ADGRB2: variants seen among roughly 807,000 people sequenced by gnomAD.
ADGRB2 encodes adhesion G protein-coupled receptor B2, also known as brain-specific angiogenesis inhibitor 2.
Under a neutral mutation model 178.7 loss-of-function variants are expected in ADGRB2, and 47 were observed. The observed-to-expected ratio is 0.26, with a 90% CI of 0.21 to 0.34. The LOEUF (loss-of-function observed/expected upper bound fraction) is 0.34, where lower values mean the gene tolerates loss of function less well. Among genes scored for constraint, ADGRB2 ranks in the 10% least tolerant of loss-of-function variants. ADGRB2 has a pLI of 1.00. For missense variants in ADGRB2, 1,584 were observed against 2,180.8 expected, an observed-to-expected ratio of 0.73 and a Z score of 5.45; for synonymous variants, 870 against 912.4, an observed-to-expected ratio of 0.95 and a Z score of 0.84.
rs1645776352 is a variant in ADGRB2, at chr1:31,738,838, G to A, written c.2595C>T (p.Ile865=). Residue 865 remains isoleucine, a synonymous_variant, in exon 16 of 33, where the codon ATC becomes ATT. Transcript: ENST00000373658. Reference sequence around the variant, plus strand: ...TGCATGGATCTCCACTCACATTGATGATGTAGGAGAGCTCCACAGTGATGA... The same window carrying A: ...TGCATGGATCTCCACTCACATTGATAATGTAGGAGAGCTCCACAGTGATGA... ...EPLITVELSY[I]INGTTDPHCA... 2 of 1,613,914 alleles carry A rather than the reference G, an allele frequency of 1.2e-6. No homozygotes were observed. Among genetic ancestry groups the A allele is most frequent in the Non-Finnish European group, 1.7e-6 (2 of 1,179,970 alleles).
In ADGRB2 at chr1:31,755,314, G is replaced by T. The variant is rs4949222; in HGVS notation, c.838+685C>A. Among the ~76,000 whole-genome samples, 18,057 of 152,166 alleles carry T rather than the reference G, an allele frequency of 0.12. 1,402 individuals carry two copies. Among genetic ancestry groups the T allele is most frequent in the South Asian group, 0.33 (1,590 of 4,820 alleles). On this transcript the variant is annotated intron_variant, in intron 4 of 32. Transcript: ENST00000373658. The surrounding 1 kb of genome is among the most constrained non-coding windows in gnomAD (Gnocchi z 5.1). ...GGGAGCAGGCAGGACTCAAGGGCTC[G>T]CAGAGCTTTTGCCCAGTCAGCAGGA... is the stretch of plus-strand genomic sequence containing the variant.
In ADGRB2 at chr1:31,735,569, C is replaced by G. The variant is rs186740027; in HGVS notation, c.3353+11G>C. 3.0e-4 allele frequency: 479 copies of G among 1,613,502 alleles called. 3 individuals are homozygous for G. In the East Asian group the frequency reaches 9.0e-3, roughly 30 times the overall value. On this transcript the variant is annotated intron_variant, in intron 24 of 32. Transcript: ENST00000373658. This position sits in a 1 kb window ranked among gnomAD's most constrained non-coding sequence, Gnocchi z 6.0. ...TCCAGAAAGGCCAAGTCTCAGAGGC[C>G]CCCCCCTTACCCGGCCCTCTGCTTC...
intron 29 of ADGRB2, among the ~76,000 whole-genome samples, chr1:31,729,784 T>C (rs1569719403): frequency 6.6e-6 from 1 of 152,308 alleles, no homozygotes; most frequent in South Asian, 2.1e-4. Flanking sequence ...GGCAGGCAGG[T>C]GTCCACAGAA....
At chr1:31,739,079 T>A (rs1475861863) in intron 15 of ADGRB2, 142 bp from the exon 16 acceptor site, 2 of 862,040 alleles carry the variant, frequency 2.3e-6, no homozygotes, top group Non-Finnish European at 3.5e-6. Flanking sequence ...GGTCCAGGAC[T>A]TCAGGTGAGG....
Position 31,755,940 on chromosome 1 carries a change from A to G in ADGRB2, c.838+59T>C. 1 of 1,545,936 alleles carries G rather than the reference A, an allele frequency of 6.5e-7. No homozygotes were observed. The highest frequency in any genetic ancestry group is 8.8e-7 in the Non-Finnish European group (1 of 1,141,892). The stretch of plus-strand genomic sequence containing the variant: ...TGGCCGAGGATCTGCCAGGATGGAC[A>G]CCAGGGACACTGTCAGCCCCTGCAG... On this transcript the variant is annotated intron_variant, in intron 4 of 32. Transcript: ENST00000373658. The surrounding 1 kb of genome is among the most constrained non-coding windows in gnomAD (Gnocchi z 5.1).
Position 31,728,132 on chromosome 1 carries a change from G to A in ADGRB2, c.4515+50C>T. On this transcript the variant is annotated intron_variant, in intron 31 of 32. Coordinates refer to ENST00000373658, the MANE Select transcript of ADGRB2 (RefSeq NM_001364857.2). The surrounding 1 kb of genome is among the most constrained non-coding windows in gnomAD (Gnocchi z 6.7). ...TCCAACCCCAGGGGCCACTGCACCAGGTCAGGCCCTGAGCTTCAGGGCAGG... is the reference window on the plus strand; with the variant it reads ...TCCAACCCCAGGGGCCACTGCACCAAGTCAGGCCCTGAGCTTCAGGGCAGG... 6.2e-7 allele frequency: 1 copy of A among 1,613,634 alleles called. No homozygotes were observed. Among genetic ancestry groups the A allele is most frequent in the African/African-American group, 1.3e-5 (1 of 75,070 alleles).
chr1:31,744,391 C>T lies in ADGRB2; in HGVS notation c.923-34G>A. 6.5e-7 allele frequency: 1 copy of T among 1,545,656 alleles called. No individual in the cohort carries two copies. ...GAGGGACAGCGTCGGCGGCAGGGGG[C>T]ACCTCCCAAGCACTCAGTCTCATAG... is the stretch of plus-strand genomic sequence containing the variant. On this transcript the variant is annotated intron_variant, in intron 5 of 32. Coordinates refer to ENST00000373658, the MANE Select transcript of ADGRB2 (RefSeq NM_001364857.2). This position sits in a 1 kb window ranked among gnomAD's most constrained non-coding sequence, Gnocchi z 6.7.
In ADGRB2 at chr1:31,738,316, A is replaced by G; in HGVS notation, c.2656T>C (p.Ser886Pro). 2 of 1,614,068 alleles carry G rather than the reference A, an allele frequency of 1.2e-6. No individual in the cohort carries two copies. Among genetic ancestry groups the G allele is most frequent in the African/African-American group, 2.7e-5 (2 of 75,022 alleles). ...SWDYSRADAS[S>P]GDWDTENCQT... Reference sequence around the variant, plus strand: ...CAATTTTCAGTGTCCCAGTCTCCTGAGCTGGCATCTCTTGGGTAGGGGAGA... The same window carrying G: ...CAATTTTCAGTGTCCCAGTCTCCTGGGCTGGCATCTCTTGGGTAGGGGAGA... The change falls in exon 18 of 33, where the codon TCA becomes CCA. Residue 886 changes from serine to proline, a missense_variant. Ser to Pro is a moderately conservative substitution (Grantham distance 74). Coordinates refer to ENST00000373658, the MANE Select transcript of ADGRB2 (RefSeq NM_001364857.2).
Position 31,742,941 on chromosome 1 carries a change from C to G in ADGRB2, c.1149G>C (p.Gly383=), listed in dbSNP as rs781087565. 1.2e-5 allele frequency: 18 copies of G among 1,539,082 alleles called. No homozygotes were observed. Among genetic ancestry groups the G allele is most frequent in the African/African-American group, 2.8e-5 (2 of 72,284 alleles). The change falls in exon 7 of 33, where the codon GGG becomes GGC. Residue 383 remains glycine, a synonymous_variant. Transcript: ENST00000373658. The part of the protein sequence containing the change: ...WSLCSRSCGR[G]SRSRMRTCVP... ...CGCAGGTCCGCATCCGGCTCCGGGACCCCCGCCCGCAGCTGCGGGAGCACA... is the reference window on the plus strand; with the variant it reads ...CGCAGGTCCGCATCCGGCTCCGGGAGCCCCGCCCGCAGCTGCGGGAGCACA...
intron 7 of ADGRB2, 82 bp downstream of exon 7, chr1:31,742,756 T>C (rs1300647091): frequency 1.5e-6 from 2 of 1,362,954 alleles, no homozygotes; most frequent in Non-Finnish European, 9.5e-7. Flanking sequence ...GGCAGGTCAC[T>C]GGACCTGACT....
rs1439536712 is a variant in ADGRB2, at chr1:31,764,267, G to T, written c.-574C>A. 6.1e-6 allele frequency: 1 copy of T among 162,718 alleles called. No homozygotes were observed. The highest frequency in any genetic ancestry group is 6.8e-5 in the Admixed American group (1 of 14,642). 10.1% of individuals were successfully genotyped at this position (162,718 alleles called of 1,614,324 possible). A position where few individuals can be genotyped will look rare whatever the true frequency, so the allele number is the denominator to read the frequency against. On this transcript the variant is annotated 5_prime_UTR_variant, in exon 1 of 33. Coordinates refer to ENST00000373658, the MANE Select transcript of ADGRB2 (RefSeq NM_001364857.2). This position sits in a 1 kb window ranked among gnomAD's most constrained non-coding sequence, Gnocchi z 7.3. The stretch of plus-strand genomic sequence containing the variant: ...GCCGCATCCTCTTCGGTCTCTGAGC[G>T]CCGCCGCCGCTGCCGCCGAACCCGG...
At chr1:31,749,276 G>A (rs1161682399) in intron 4 of ADGRB2, among the ~76,000 whole-genome samples, 4 of 152,150 alleles carry the variant, frequency 2.6e-5, no homozygotes, top group Admixed American at 6.5e-5. Flanking sequence ...AGTCTTCAGC[G>A]GCTCCTCCAC....
intron 4 of ADGRB2, among the ~76,000 whole-genome samples, chr1:31,749,006 A>G (rs1646422860): frequency 1.3e-5 from 2 of 152,102 alleles, no homozygotes; most frequent in Admixed American, 1.3e-4. Context: ...ACTGTACTAC[A>G]CTGGCTCTGA....
chr1:31,734,859 AT>A (rs1645486710), intron 25 of ADGRB2, among the ~76,000 whole-genome samples: 1 of 152,066 alleles, frequency 6.6e-6, no homozygotes, highest in Non-Finnish European at 1.5e-5. Flanking sequence ...TAGCTCAAAA[AT>A]TCTAAGGCTT....
At chr1:31,736,475 C>G in intron 21 of ADGRB2, 85 bp from the exon 22 acceptor site, 1 of 1,602,198 alleles carries the variant, frequency 6.2e-7, no homozygotes, top group Non-Finnish European at 8.5e-7. Flanking sequence ...CAGCTGACCC[C>G]TGTGCCCAGA....
At chr1:31,742,465 A>G (rs1296574310) in intron 7 of ADGRB2, among the ~76,000 whole-genome samples, 2 of 152,162 alleles carry the variant, frequency 1.3e-5, no homozygotes, top group African/African-American at 2.4e-5. Flanking sequence ...CACAAGGCAC[A>G]ACTCACTTCT....
rs2148873602 is a variant in ADGRB2 at position 31,728,956 on chromosome 1, A to G, written c.4381-323T>C. Among the ~76,000 whole-genome samples, 1 of 151,660 alleles carries G rather than the reference A, an allele frequency of 6.6e-6. No individual in the cohort carries two copies. The highest frequency in any genetic ancestry group is 1.9e-4 in the East Asian group (1 of 5,152). On this transcript the variant is annotated intron_variant, in intron 29 of 32. Transcript: ENST00000373658. This position sits in a 1 kb window ranked among gnomAD's most constrained non-coding sequence, Gnocchi z 6.7. Reference sequence around the variant, plus strand: ...TAGAGCCCACCCTGCATCCTTCCCCATCTTGCCCCATTCTCTCTGCCAGCC... The same window carrying G: ...TAGAGCCCACCCTGCATCCTTCCCCGTCTTGCCCCATTCTCTCTGCCAGCC...
At chr1:31,736,425 C>A (rs1281154587) in intron 21 of ADGRB2, 35 bp from the exon 22 acceptor site, 1 of 1,612,560 alleles carries the variant, frequency 6.2e-7, no homozygotes, top group Non-Finnish European at 8.5e-7. Flanking sequence ...GAGATGGTTG[C>A]TGGTCTTCAG....
At chr1:31,736,853 C>G in intron 20 of ADGRB2, 130 bp from the exon 21 acceptor site, 1 of 1,375,362 alleles carries the variant, frequency 7.3e-7, no homozygotes, top group East Asian at 2.5e-5. Flanking sequence ...CAGAGCCCTG[C>G]CAGGCACCCC....
Sources: gnomAD v4.1 joint callset for allele counts (sites outside exome capture counted in the v4.1 genomes callset) on GRCh38, gnomAD v4.1.1 for gene constraint, Gnocchi (gnomAD v3.1) non-coding constraint, MANE v1.5 for transcripts, NCBI Gene and HGNC (gene_info 2026-07-23, HGNC 2026-07-21) for gene names.